Variants in CHLSN observed in about 807,000 individuals in gnomAD.
The protein encoded by CHLSN is cholesin.
At chr7:1,116,140 A>G in the CHLSN span, among the ~76,000 whole-genome samples, 1 of 129,888 alleles carries the variant, frequency 7.7e-6, no homozygotes, top group African/African-American at 2.9e-5. Context: ...GGATGACATA[A>G]CTACAGCTCT....
At chr7:991,968 T>A in the CHLSN span, among the ~76,000 whole-genome samples, 336 of 152,220 alleles carry the variant, frequency 2.2e-3, no homozygotes, top group Non-Finnish European at 3.5e-3. Flanking sequence ...TGCCAATGGG[T>A]CCTTTTCAAG....
chr7:1,010,810 C>A, the CHLSN span, among the ~76,000 whole-genome samples: 4 of 152,192 alleles, frequency 2.6e-5, no homozygotes, highest in African/African-American at 9.7e-5. Context: ...AGCCGGGCCA[C>A]GGGGTGACCA....
the CHLSN span, chr7:984,686 C>G: frequency 7.0e-7 from 1 of 1,424,864 alleles, no homozygotes; most frequent in Non-Finnish European, 9.3e-7. Flanking sequence ...TGGGGAAGAG[C>G]AGGCAGGAGC....
chr7:1,106,168 C>T, the CHLSN span, among the ~76,000 whole-genome samples: 1 of 152,216 alleles, frequency 6.6e-6, no homozygotes, highest in Non-Finnish European at 1.5e-5. Flanking sequence ...CCTCGAGTCC[C>T]GCACACTGCC....
At chr7:1,071,924 C>T in the CHLSN span, among the ~76,000 whole-genome samples, 1,194 of 152,322 alleles carry the variant, frequency 7.8e-3, 12 homozygotes, top group African/African-American at 0.027. Context: ...GCCGCACGGC[C>T]GCAGCACAGG....
At chr7:1,060,034 G>T in the CHLSN span, among the ~76,000 whole-genome samples, 57 of 111,064 alleles carry the variant, frequency 5.1e-4, 1 homozygote, top group African/African-American at 7.5e-4. Context: ...AAGCGGGTCC[G>T]TAGTGAGGCG....
the CHLSN span, chr7:1,091,781 CCGCG>C: frequency 7.6e-6 from 12 of 1,578,702 alleles, no homozygotes; most frequent in Non-Finnish European, 1.0e-5. Flanking sequence ...TACCCAGGCA[CCGCG>C]CAGCCTGCGG....
At chr7:1,008,851 G>A in the CHLSN span, among the ~76,000 whole-genome samples, 2 of 147,504 alleles carry the variant, frequency 1.4e-5, no homozygotes, top group Non-Finnish European at 3.0e-5. Context: ...ACGCACACAC[G>A]TAAACACACG....
the CHLSN span, among the ~76,000 whole-genome samples, chr7:1,054,952 C>T: frequency 3.9e-5 from 6 of 152,104 alleles, no homozygotes; most frequent in African/African-American, 9.7e-5. Flanking sequence ...GATTTCCTCA[C>T]GGAAAAAAGG....
the CHLSN span, among the ~76,000 whole-genome samples, chr7:1,027,342 G>C: frequency 3.3e-5 from 5 of 152,248 alleles, no homozygotes; most frequent in Non-Finnish European, 7.3e-5. Flanking sequence ...CCAGCAGCAG[G>C]CTAGGCAGCC....
chr7:1,002,517 G>GA, the CHLSN span, among the ~76,000 whole-genome samples: 24 of 103,448 alleles, frequency 2.3e-4, no homozygotes, highest in Admixed American at 3.5e-4. Context: ...TCCTGTGGGT[G>GA]GGGAGTCCTG....
chr7:1,007,080 G>A, the CHLSN span, among the ~76,000 whole-genome samples: 3 of 152,170 alleles, frequency 2.0e-5, no homozygotes, highest in East Asian at 1.9e-4. Context: ...CAGAGCCTTC[G>A]GGGGATCTGG....
chr7:1,030,319 C>T, the CHLSN span, among the ~76,000 whole-genome samples: 4 of 152,212 alleles, frequency 2.6e-5, no homozygotes, highest in Non-Finnish European at 5.9e-5. Flanking sequence ...CACCTGAGCC[C>T]GGGGACCAGG....
chr7:1,070,768 T>TGCACAC, the CHLSN span, among the ~76,000 whole-genome samples: 1 of 130,988 alleles, frequency 7.6e-6, no homozygotes, highest in South Asian at 2.4e-4. Context: ...GACATACACA[T>TGCACAC]GCACACGCAC....
the CHLSN span, among the ~76,000 whole-genome samples, chr7:1,101,402 TCA>T: frequency 6.6e-6 from 1 of 150,946 alleles, no homozygotes; most frequent in Admixed American, 6.6e-5. Flanking sequence ...CCAGCTACTC[TCA>T]GAGCAGGCGC....
At chr7:1,042,911 G>A in the CHLSN span, among the ~76,000 whole-genome samples, 2 of 152,078 alleles carry the variant, frequency 1.3e-5, no homozygotes, top group African/African-American at 2.4e-5. Flanking sequence ...TGGCTCCACG[G>A]CCTGCAGTGT....
At chr7:1,131,448 TC>T in the CHLSN span, among the ~76,000 whole-genome samples, 1 of 151,828 alleles carries the variant, frequency 6.6e-6, no homozygotes, top group Admixed American at 6.6e-5. Context: ...GCACAAGGGT[TC>T]CCCCCATCCC....
chr7:1,137,086 T>C, the CHLSN span, among the ~76,000 whole-genome samples: 58 of 152,296 alleles, frequency 3.8e-4, no homozygotes, highest in East Asian at 0.011. Context: ...GTCAAGGTCC[T>C]TGCCACTTGG....
the CHLSN span, chr7:1,055,176 C>T: frequency 6.5e-6 from 3 of 464,200 alleles, no homozygotes; most frequent in African/African-American, 2.0e-5. Context: ...CGGTCCCGTC[C>T]AAGCACGGCC....
Sources: allele counts gnomAD v4.1 joint callset (sites outside exome capture counted in the v4.1 genomes callset), GRCh38; gene constraint gnomAD v4.1.1; transcripts MANE v1.5; gene names NCBI Gene and HGNC (gene_info 2026-07-23, HGNC 2026-07-21).